Variants in NEK8 observed in about 807,000 individuals in gnomAD.
NEK8 encodes the protein NIMA related kinase 8, also known as serine/threonine-protein kinase Nek8.
In NEK8, 51 loss-of-function variants were observed where a neutral mutation model predicts 77.2. The observed-to-expected ratio is 0.66, with a 90% CI of 0.53 to 0.83. The LOEUF (loss-of-function observed/expected upper bound fraction) is 0.83, where lower values mean the gene tolerates loss of function less well. Ranked by LOEUF, NEK8 falls within the 40% of genes least tolerant of loss-of-function variation. The pLI is 0.00. For missense variants in NEK8, 787 were observed against 909.2 expected, an observed-to-expected ratio of 0.87 and a Z score of 1.73; for synonymous variants, 365 against 363.2, an observed-to-expected ratio of 1.00 and a Z score of -0.06.
rs759477250 is a variant in NEK8 at position 28,737,614 on chromosome 17, C to T, written c.828-61C>T. On this transcript the variant is annotated intron_variant, in intron 5 of 14. Transcript: ENST00000268766. The surrounding 1 kb of genome is among the most constrained non-coding windows in gnomAD (Gnocchi z 4.8). The stretch of plus-strand genomic sequence containing the variant: ...AGAGGGAAACCTGGGGCAAGTCCTC[C>T]CTTCCTGCATGTAGGAATGTCAGGA... The T allele has an allele frequency of 3.1e-6, 5 of 1,614,008 alleles. No individual in the cohort carries two copies. The highest frequency in any genetic ancestry group is 4.2e-6 in the Non-Finnish European group (5 of 1,179,930).
At chr17:28,731,486 C>G (rs1488844356) in intron 1 of NEK8, among the ~76,000 whole-genome samples, 2 of 151,958 alleles carry the variant, frequency 1.3e-5, no homozygotes, top group African/African-American at 2.4e-5. Context: ...ATGTAGTGAG[C>G]CGAGATCGCG....
At chr17:28,735,054 A>G in intron 3 of NEK8, 50 bp downstream of exon 3, 1 of 1,530,758 alleles carries the variant, frequency 6.5e-7, no homozygotes, top group Non-Finnish European at 9.0e-7. Context: ...CTTGAGGGCC[A>G]GGACCTAACC....
chr17:28,735,649 G>A (rs1485103440), intron 4 of NEK8, among the ~76,000 whole-genome samples: 2 of 152,136 alleles, frequency 1.3e-5, no homozygotes, highest in East Asian at 3.9e-4. Context: ...TGGGGTTTCT[G>A]AGGATATAGC....
At chr17:28,736,023 G>A (rs1157665183) in intron 4 of NEK8, among the ~76,000 whole-genome samples, 2 of 148,544 alleles carry the variant, frequency 1.3e-5, no homozygotes, top group Admixed American at 1.4e-4. Flanking sequence ...GAGAACATGC[G>A]GTGTTTGGTT....
Position 28,741,105 on chromosome 17 carries a change from G to A in NEK8, c.1760G>A (p.Ser587Asn). 1 of 1,614,216 alleles carries A rather than the reference G, an allele frequency of 6.2e-7. No homozygotes were observed. Among genetic ancestry groups the A allele is most frequent in the Non-Finnish European group, 8.5e-7 (1 of 1,180,038 alleles). Residue 587 changes from serine (S) to asparagine (N), a missense_variant, in exon 13 of 15, where the codon AGC (serine) becomes AAC (asparagine). Transcript: ENST00000268766. This position sits in a 1 kb window ranked among gnomAD's most constrained non-coding sequence, Gnocchi z 4.5. ...TASGDCYTFG[S>N]NQHGQLGTNT... is the part of the protein sequence containing the mutation. ...TCGGGTGATTGCTACACTTTTGGCA[G>A]CAATCAGCACGGACAGTTGGGCACC...
Position 28,739,071 on chromosome 17 carries a change from C to G in NEK8, c.1300-13C>G, listed in dbSNP as rs371308377. 6.2e-7 allele frequency: 1 copy of G among 1,604,044 alleles called. No individual in the cohort carries two copies. Among genetic ancestry groups the G allele is most frequent in the Non-Finnish European group, 8.5e-7 (1 of 1,170,716 alleles). ...CCTTTGCCCAGTTTCTCCTTGCTTC[C>G]TCTCCTCTCTAGCCCACCATTGTGG... On this transcript the variant is annotated splice_polypyrimidine_tract_variant and intron_variant, in intron 9 of 14. Transcript: ENST00000268766.
chr17:28,733,276 G>A (rs1226983260), intron 1 of NEK8, among the ~76,000 whole-genome samples: 2 of 152,138 alleles, frequency 1.3e-5, no homozygotes, highest in Non-Finnish European at 2.9e-5. Flanking sequence ...AAGGTTTGGA[G>A]GCAGGAATCA....
intron 3 of NEK8, 80 bp from the exon 4 acceptor site, chr17:28,735,160 G>A (rs1249682936): frequency 1.3e-6 from 2 of 1,592,168 alleles, no homozygotes; most frequent in African/African-American, 1.3e-5. Context: ...TTGAGAAGAA[G>A]CTGTCCCCAA....
chr17:28,742,275 G>A lies in NEK8; in HGVS notation c.*288G>A. Reference sequence around the variant, plus strand: ...GGCAGACCTAGCCTTTGGAAGCAGGGTGGCCTCCAGAGCCTTGCCATAAAA... The same window carrying A: ...GGCAGACCTAGCCTTTGGAAGCAGGATGGCCTCCAGAGCCTTGCCATAAAA... On this transcript the variant is annotated 3_prime_UTR_variant, in exon 15 of 15. Transcript: ENST00000268766. 1 of 549,284 alleles carries A rather than the reference G, an allele frequency of 1.8e-6. No homozygotes were observed. The allele number at this position is 549,284 out of a possible 1,614,324, so 34.0% of individuals were successfully genotyped here.
rs185563461 is a variant in NEK8, at chr17:28,739,189, C to T, written c.1405C>T (p.Arg469Cys). ...STERELFAWG[R>C]GDSGRLGLGT... ...TGAGCGAGAACTATTTGCCTGGGGC[C>T]GTGGAGACAGCGGTAAGCTCCAGCC... Residue 469 changes from arginine (R) to cysteine (C), a missense_variant, in exon 10 of 15, where the codon CGT becomes TGT. Transcript: ENST00000268766. The T allele has an allele frequency of 3.4e-5, 55 of 1,612,998 alleles. No individual in the cohort carries two copies. The Admixed American group carries it at 6.3e-4, about 19-fold the overall frequency.
At position 28,741,208 on chromosome 17, in the gene NEK8, G is replaced by A. The variant is rs1371797095; in HGVS notation, c.1863G>A (p.Gly621=). 2 of 1,611,608 alleles carry A rather than the reference G, an allele frequency of 1.2e-6. No homozygotes were observed. Among genetic ancestry groups the A allele is most frequent in the Non-Finnish European group, 8.5e-7 (1 of 1,178,578 alleles). ...EGIKMAMVAC[G]DAFTVAIGAE... is the part of the protein sequence containing the mutation. ...TCAAGATGGCAATGGTAGCCTGTGG[G>A]GATGCCTTCACTGTAGCTATTGGGG... The change falls in exon 13 of 15, where the codon GGG becomes GGA. Residue 621 remains glycine (G), a synonymous_variant. Coordinates refer to ENST00000268766, the MANE Select transcript of NEK8 (RefSeq NM_178170.3). This position sits in a 1 kb window ranked among gnomAD's most constrained non-coding sequence, Gnocchi z 4.5.
rs770978998 is a variant in NEK8, at chr17:28,742,012, A to G, written c.*25A>G. The G allele has an allele frequency of 6.2e-7, 1 of 1,611,374 alleles. No homozygotes were observed. The highest frequency in any genetic ancestry group is 1.1e-5 in the South Asian group (1 of 91,036). On this transcript the variant is annotated 3_prime_UTR_variant, in exon 15 of 15. Coordinates refer to ENST00000268766, the MANE Select transcript of NEK8 (RefSeq NM_178170.3). ...AGGCACCCGGATTCACCTCTGGACCACCCTGATATTGCTTCTCCTCTGAAT... is the reference window on the plus strand; with the variant it reads ...AGGCACCCGGATTCACCTCTGGACCGCCCTGATATTGCTTCTCCTCTGAAT...
chr17:28,739,014 A>G, intron 9 of NEK8, 70 bp from the exon 10 acceptor site: 1 of 1,131,064 alleles, frequency 8.8e-7, no homozygotes, highest in Non-Finnish European at 1.4e-6. Context: ...CTTTGTCCCT[A>G]CAGGGGGTGT....
intron 1 of NEK8, among the ~76,000 whole-genome samples, chr17:28,730,659 A>G (rs1163758138): frequency 6.6e-6 from 1 of 152,196 alleles, no homozygotes; most frequent in East Asian, 1.9e-4. Flanking sequence ...GCTCACGCCT[A>G]TAATCCTAGC....
chr17:28,729,510 C>T (rs540220142), intron 1 of NEK8, among the ~76,000 whole-genome samples: 2 of 151,844 alleles, frequency 1.3e-5, no homozygotes, highest in African/African-American at 2.4e-5. Flanking sequence ...CGTGCGCCAC[C>T]ATGCCCGGCT....
Position 28,738,723 on chromosome 17 carries a change from T to C in NEK8, c.1275T>C (p.His425=), listed in dbSNP as rs773872715. The change falls in exon 9 of 15, where the codon CAT becomes CAC. Residue 425 remains histidine (H), a synonymous_variant. Transcript: ENST00000268766. ...GCGGCAGCAATGGGTGCCTAGGCCATGGCAGCCTCACTGACATCAGCCAGG... is the reference window on the plus strand; with the variant it reads ...GCGGCAGCAATGGGTGCCTAGGCCACGGCAGCCTCACTGACATCAGCCAGG... The part of the protein sequence containing the change: ...FGSGSNGCLG[H]GSLTDISQPT... 5 of 1,613,996 alleles carry C rather than the reference T, an allele frequency of 3.1e-6. No homozygotes were observed. Among genetic ancestry groups the C allele is most frequent in the South Asian group, 2.2e-5 (2 of 91,076 alleles).
Position 28,741,983 on chromosome 17 carries a change from CCT to C in NEK8, c.2076_2077del (p.Ter693ArgfsTer85), listed in dbSNP as rs777397487. On this transcript the variant is annotated frameshift_variant and stop_lost, in exon 15 of 15. Transcript: ENST00000268766. LOFTEE classifies it high-confidence loss of function. The surrounding 1 kb of genome is among the most constrained non-coding windows in gnomAD (Gnocchi z 4.5). ...GCGGTCACAGATGAGCCGGTCCCCCCCTGAGGCACCCGGATTCACCTCTGGAC... is the reference window on the plus strand; with the variant it reads ...GCGGTCACAGATGAGCCGGTCCCCCCGAGGCACCCGGATTCACCTCTGGAC... 1.2e-6 allele frequency: 2 copies of C among 1,614,070 alleles called. No individual in the cohort carries two copies. The highest frequency in any genetic ancestry group is 2.2e-5 in the East Asian group (1 of 44,882).
Position 28,740,797 on chromosome 17 carries a change from A to G in NEK8, c.1569-25A>G, listed in dbSNP as rs202189640. 1 of 1,612,844 alleles carries G rather than the reference A, an allele frequency of 6.2e-7. No homozygotes were observed. Among genetic ancestry groups the G allele is most frequent in the Admixed American group, 1.7e-5 (1 of 60,018 alleles). ...CCTGCCCAAACTGTCTGTCAGTTGG[A>G]TTTGGCTTCTGGCTCTGCCCTCAGG... On this transcript the variant is annotated intron_variant, in intron 11 of 14. Coordinates refer to ENST00000268766, the MANE Select transcript of NEK8 (RefSeq NM_178170.3). The surrounding 1 kb of genome is among the most constrained non-coding windows in gnomAD (Gnocchi z 4.7).
In NEK8 at chr17:28,740,586, G is replaced by C; in HGVS notation, c.1541G>C (p.Gly514Ala). Residue 514 changes from glycine (G) to alanine (A), a missense_variant, in exon 11 of 15, where the codon GGC (glycine) becomes GCC (alanine). Transcript: ENST00000268766. This position sits in a 1 kb window ranked among gnomAD's most constrained non-coding sequence, Gnocchi z 4.7. ...IDSSMILTVPGQALACGSNRF... is the reference protein window; with the variant it reads ...IDSSMILTVPAQALACGSNRF... ...TCCTCCATGATCCTCACTGTGCCTG[G>C]CCAAGCCCTAGCCTGTGGGAGCAAC... 7.4e-6 allele frequency: 12 copies of C among 1,614,174 alleles called. No individual in the cohort carries two copies. The highest frequency in any genetic ancestry group is 1.0e-5 in the Non-Finnish European group (12 of 1,180,026).
Sources: allele counts gnomAD v4.1 joint callset (sites outside exome capture counted in the v4.1 genomes callset), GRCh38; gene constraint gnomAD v4.1.1; non-coding constraint Gnocchi (gnomAD v3.1); transcripts MANE v1.5; gene names NCBI Gene and HGNC (gene_info 2026-07-23, HGNC 2026-07-21).